Variants in CDK6 observed in about 807,000 individuals in gnomAD.
CDK6 encodes cyclin dependent kinase 6, also known as cyclin-dependent kinase 6.
A neutral mutation model predicts 37.1 loss-of-function variants in CDK6; 6 were observed. The observed-to-expected ratio is 0.16, with a 90% CI of 0.09 to 0.32. CDK6 has a LOEUF of 0.32. Ranked by LOEUF, CDK6 falls within the 10% of genes least tolerant of loss-of-function variation. The pLI is 1.00. For synonymous variants in CDK6, 160 were observed against 161.3 expected, an observed-to-expected ratio of 0.99 and a Z score of 0.06; for missense variants, 224 against 418.9, an observed-to-expected ratio of 0.53 and a Z score of 4.06.
At position 92,774,862 on chromosome 7, in the gene CDK6, T is replaced by C. The variant is rs1176817289; in HGVS notation, c.234-31A>G. 6 of 1,595,422 alleles carry C rather than the reference T, an allele frequency of 3.8e-6. No individual in the cohort carries two copies. In the East Asian group the frequency reaches 1.1e-4, roughly 30 times the overall value. On this transcript the variant is annotated intron_variant, in intron 2 of 7. Transcript: ENST00000424848. ...AGAAAAAACAAAGAGGTTAAGTAGG[T>C]GGCAATAAGCAAAGAAGTAACCTGT...
At chr7:92,621,122 A>G (rs1250922012) in intron 6 of CDK6, among the ~76,000 whole-genome samples, 1 of 152,250 alleles carries the variant, frequency 6.6e-6, no homozygotes, top group African/African-American at 2.4e-5. Context: ...CACAAAATCT[A>G]TAAATGGCAG....
chr7:92,786,414 T>G (rs1388807929), intron 2 of CDK6, among the ~76,000 whole-genome samples: 1 of 152,170 alleles, frequency 6.6e-6, no homozygotes, highest in African/African-American at 2.4e-5. Context: ...CTTTTGATCA[T>G]AAACATAGAA....
intron 3 of CDK6, 62 bp downstream of exon 3, chr7:92,774,634 C>T (rs1012013067): frequency 3.6e-6 from 5 of 1,380,060 alleles, no homozygotes; most frequent in South Asian, 1.5e-5. Context: ...GGAAAGAAAG[C>T]CATTGCTTAA....
chr7:92,633,624 CTTTT>C (rs540735364), intron 5 of CDK6, among the ~76,000 whole-genome samples: 2 of 133,578 alleles, frequency 1.5e-5, no homozygotes, highest in Non-Finnish European at 1.6e-5. Flanking sequence ...CAAAGCTAGC[CTTTT>C]TTTTTTTTTT....
intron 4 of CDK6, among the ~76,000 whole-genome samples, chr7:92,695,814 C>T (rs1797705125): frequency 6.6e-6 from 1 of 152,188 alleles, no homozygotes; most frequent in South Asian, 2.1e-4. Context: ...TTTGCTGTTG[C>T]CGCCAGTGAC....
Position 92,605,856 on chromosome 7 carries a change from CAGG to C in CDK6, c.*9281_*9283del, listed in dbSNP as rs1795416254. The C allele has an allele frequency of 4.3e-6, 1 of 233,362 alleles. No individual in the cohort carries two copies. The highest frequency in any genetic ancestry group is 5.6e-5 in the Admixed American group (1 of 17,770). 14.5% of individuals were successfully genotyped at this position (233,362 alleles called of 1,614,324 possible). On this transcript the variant is annotated 3_prime_UTR_variant, in exon 8 of 8. Coordinates refer to ENST00000424848, the MANE Select transcript of CDK6 (RefSeq NM_001145306.2). ...TGCTGCACCCACAGGGTGGACCCGACAGGCCACTGTGGTAACTCTCAATCTGTG... is the reference window on the plus strand; with the variant it reads ...TGCTGCACCCACAGGGTGGACCCGACCCACTGTGGTAACTCTCAATCTGTG...
In CDK6 at chr7:92,636,610, T is replaced by C. The variant is rs964538270; in HGVS notation, c.648-13524A>G. On this transcript the variant is annotated intron_variant, in intron 5 of 7. Transcript: ENST00000424848. Reference sequence around the variant, plus strand: ...AAACAGCATTTGATAAAAAACAGCATGTACAGGAATAAATAATTACATTTT... The same window carrying C: ...AAACAGCATTTGATAAAAAACAGCACGTACAGGAATAAATAATTACATTTT... Among the ~76,000 whole-genome samples the C allele has an allele frequency of 1.1e-4, 16 of 152,130 alleles. 1 individual carries two copies. The highest frequency in any genetic ancestry group is 9.8e-4 in the Admixed American group (15 of 15,272).
chr7:92,807,658 C>T (rs1425349516), intron 2 of CDK6, among the ~76,000 whole-genome samples: 1 of 151,948 alleles, frequency 6.6e-6, no homozygotes, highest in Admixed American at 6.6e-5. Context: ...CTAGTACTAT[C>T]TCAACCTTTC....
chr7:92,809,097 A>G (rs1385092829), intron 2 of CDK6, among the ~76,000 whole-genome samples: 1 of 152,232 alleles, frequency 6.6e-6, no homozygotes, highest in African/African-American at 2.4e-5. Flanking sequence ...CCACTGGTTT[A>G]AGATTTCCTT....
intron 4 of CDK6, among the ~76,000 whole-genome samples, chr7:92,690,672 G>A (rs149012800): frequency 1.0e-3 from 155 of 152,270 alleles, no homozygotes; most frequent in African/African-American, 3.5e-3. Context: ...CTTGGAAAAC[G>A]AGTTGAAAAG....
chr7:92,774,588 G>T, intron 3 of CDK6, 108 bp downstream of exon 3: 2 of 967,192 alleles, frequency 2.1e-6, no homozygotes, highest in South Asian at 2.1e-5. Context: ...ACTATATACC[G>T]AATTCTAAAA....
Position 92,672,158 on chromosome 7 carries a change from T to TATATATATATACAC in CDK6, c.538-624_538-623insGTGTATATATATAT, listed in dbSNP as rs1254710727. 1.2e-3 allele frequency among the ~76,000 whole-genome samples: 121 copies of TATATATATATACAC among 102,712 alleles called. 4 individuals carry two copies. In the South Asian group the frequency reaches 0.017, roughly 14 times the overall value. 67.4% of individuals were successfully genotyped at this position (102,712 alleles called of 152,430 possible). On this transcript the variant is annotated intron_variant, in intron 4 of 7. Transcript: ENST00000424848. ...ACATATATATATATATATATATATA[T>TATATATATATACAC]ATACACATACACACACACACACACA... is the stretch of plus-strand genomic sequence containing the variant.
intron 4 of CDK6, among the ~76,000 whole-genome samples, chr7:92,681,550 TC>T (rs1407134660): frequency 6.6e-6 from 1 of 152,190 alleles, no homozygotes. Flanking sequence ...TCCAGTCAAT[TC>T]ATCATGTGAA....
At chr7:92,828,779 A>C (rs1159248476) in intron 2 of CDK6, among the ~76,000 whole-genome samples, 3 of 152,170 alleles carry the variant, frequency 2.0e-5, no homozygotes. Flanking sequence ...TAAAAGGGAT[A>C]TAACTGCAAT....
chr7:92,721,012 A>G (rs971802077), intron 4 of CDK6, among the ~76,000 whole-genome samples: 1 of 152,204 alleles, frequency 6.6e-6, no homozygotes, highest in African/African-American at 2.4e-5. Flanking sequence ...AACAAATGTA[A>G]TAGTTCAATA....
chr7:92,810,030 G>A (rs1462924592), intron 2 of CDK6, among the ~76,000 whole-genome samples: 1 of 152,200 alleles, frequency 6.6e-6, no homozygotes, highest in African/African-American at 2.4e-5. Flanking sequence ...AAGTTGAGAA[G>A]CAGCATGAAC....
chr7:92,824,653 G>T (rs541856330), intron 2 of CDK6, among the ~76,000 whole-genome samples: 1 of 152,240 alleles, frequency 6.6e-6, no homozygotes, highest in South Asian at 2.1e-4. Context: ...TTCACAACGT[G>T]AGGTGGAATG....
chr7:92,615,185 G>T lies in CDK6; in HGVS notation c.936C>A (p.Ser312=), dbSNP rs1158185314. ...AGGTGTTCTGGCTGGGCGGCAGGTG[G>T]GAATCCAGGTTTTCTTTGCACCTTT... ...DLERCKENLD[S]HLPPSQNTSE... Residue 312 remains serine, a synonymous_variant, in exon 8 of 8, where the codon TCC becomes TCA. Transcript: ENST00000424848. 1 of 1,614,038 alleles carries T rather than the reference G, an allele frequency of 6.2e-7. No homozygotes were observed. The highest frequency in any genetic ancestry group is 2.2e-5 in the East Asian group (1 of 44,882).
intron 3 of CDK6, among the ~76,000 whole-genome samples, chr7:92,764,662 T>C (rs1799535760): frequency 6.6e-6 from 1 of 152,200 alleles, no homozygotes; most frequent in Non-Finnish European, 1.5e-5. Flanking sequence ...ACAACATTAT[T>C]CTACATACTG....
Sources: gnomAD v4.1 joint callset for allele counts (sites outside exome capture counted in the v4.1 genomes callset) on GRCh38, gnomAD v4.1.1 for gene constraint, MANE v1.5 for transcripts, NCBI Gene and HGNC (gene_info 2026-07-23, HGNC 2026-07-21) for gene names.